The following ARSG variants were observed in gnomAD, a reference collection of about 807,000 sequenced individuals.
ARSG encodes ASG.
ARSG carries 37 observed loss-of-function variants against 50.5 expected under a neutral mutation model. That is an observed-to-expected ratio of 0.73 (90% CI 0.56 to 0.96). The LOEUF (loss-of-function observed/expected upper bound fraction) is 0.96. Ranked by LOEUF, ARSG falls within the 50% of genes least tolerant of loss-of-function variation. The pLI is 0.00. For missense variants in ARSG, 629 were observed against 675.3 expected, an observed-to-expected ratio of 0.93 and a Z score of 0.76; for synonymous variants, 225 against 254.6, an observed-to-expected ratio of 0.88 and a Z score of 1.11.
Position 68,420,766 on chromosome 17 carries a change from T to G in ARSG, c.*303T>G. 2.7e-6 allele frequency: 1 copy of G among 376,300 alleles called. No homozygotes were observed. The highest frequency in any genetic ancestry group is 4.8e-6 in the Non-Finnish European group (1 of 208,328). 23.3% of individuals were successfully genotyped at this position (376,300 alleles called of 1,614,324 possible). A position where few individuals can be genotyped will look rare whatever the true frequency, so the allele number is the denominator to read the frequency against. On this transcript the variant is annotated 3_prime_UTR_variant, in exon 12 of 12. Transcript: ENST00000621439. ...CAATTGTTTAACCTAACCTGCAAGTTGATTTTGAGGGTTAAATAAAGGCAT... is the reference window on the plus strand; with the variant it reads ...CAATTGTTTAACCTAACCTGCAAGTGGATTTTGAGGGTTAAATAAAGGCAT...
Position 68,367,517 on chromosome 17 carries a change from AGGGGC to A in ARSG, c.705-1030_705-1026del, listed in dbSNP as rs2079602703. On this transcript the variant is annotated intron_variant, in intron 6 of 11. Coordinates refer to ENST00000621439, the MANE Select transcript of ARSG (RefSeq NM_001267727.2). This position sits in a 1 kb window ranked among gnomAD's most constrained non-coding sequence, Gnocchi z 4.5. ...CCCCCCATGGATGGATCTGTGGGAG[AGGGGC>A]CCCCTGAAGGTCCCTGCCACCGTTG... is the stretch of plus-strand genomic sequence containing the variant. Among the ~76,000 whole-genome samples the A allele has an allele frequency of 6.6e-6, 1 of 152,022 alleles. No individual in the cohort carries two copies. Among genetic ancestry groups the A allele is most frequent in the Non-Finnish European group, 1.5e-5 (1 of 68,006 alleles).
downstream of ARSG, chr17:68,421,784 T>C: frequency 6.2e-7 from 1 of 1,614,172 alleles, no homozygotes. Flanking sequence ...CATGACTGCT[T>C]CGTTTTGCCC....
At chr17:68,363,928 C>T (rs892527070) in intron 6 of ARSG, among the ~76,000 whole-genome samples, 1 of 152,082 alleles carries the variant, frequency 6.6e-6, no homozygotes. Flanking sequence ...CCCATCCATC[C>T]CCAGGGAGCC....
chr17:68,309,683 AC>A, intron 2 of ARSG, among the ~76,000 whole-genome samples: 1 of 151,926 alleles, frequency 6.6e-6, no homozygotes, highest in South Asian at 2.1e-4. Context: ...ACCTGCCGAA[AC>A]CCTCTCTCTA....
chr17:68,265,355 G>A (rs1555746137), intron 1 of ARSG, among the ~76,000 whole-genome samples: 1 of 151,886 alleles, frequency 6.6e-6, no homozygotes, highest in African/African-American at 2.4e-5. Flanking sequence ...CTAGCTGGGT[G>A]TGGTGGTGCA....
chr17:68,283,977 G>A (rs2075782903), intron 1 of ARSG, among the ~76,000 whole-genome samples: 1 of 151,292 alleles, frequency 6.6e-6, no homozygotes, highest in Non-Finnish European at 1.5e-5. Flanking sequence ...TGTTATCCCA[G>A]CTACCCAGGA....
the ARSG span, among the ~76,000 whole-genome samples, chr17:68,447,668 C>T: frequency 1.3e-5 from 2 of 152,152 alleles, no homozygotes; most frequent in Non-Finnish European, 2.9e-5. Context: ...TGGGACCACA[C>T]TTGGCCCTTT....
downstream of ARSG, chr17:68,426,254 G>GGGGGGGGGT: frequency 2.4e-6 from 2 of 816,920 alleles, no homozygotes; most frequent in Admixed American, 2.3e-5. Flanking sequence ...GGGAGCGGGG[G>GGGGGGGGGT]CTCAAATAAA....
the ARSG span, among the ~76,000 whole-genome samples, chr17:68,449,416 G>A: frequency 6.6e-6 from 1 of 152,196 alleles, no homozygotes; most frequent in South Asian, 2.1e-4. Flanking sequence ...CTTGAGCCCA[G>A]GAGTTTGAGA....
downstream of ARSG, chr17:68,426,254 G>GGGGGCCCCCCCCCCCCCCCC: frequency 1.2e-6 from 1 of 816,922 alleles, no homozygotes. Context: ...GGGAGCGGGG[G>GGGGGCCCCCCCCCCCCCCCC]CTCAAATAAA....
chr17:68,299,100 CTTTTTT>C (rs201821256), intron 1 of ARSG, among the ~76,000 whole-genome samples: 1 of 105,584 alleles, frequency 9.5e-6, no homozygotes, highest in East Asian at 2.6e-4. Flanking sequence ...AAAAATTGAA[CTTTTTT>C]TTTTTTTTTT....
intron 2 of ARSG, among the ~76,000 whole-genome samples, chr17:68,319,953 C>T (rs1555769958): frequency 6.6e-6 from 1 of 152,232 alleles, no homozygotes; most frequent in African/African-American, 2.4e-5. Context: ...GGGCTTCTCA[C>T]CTTTTAGGTG....
intron 2 of ARSG, among the ~76,000 whole-genome samples, chr17:68,322,433 C>T (rs1328116619): frequency 6.6e-6 from 1 of 152,060 alleles, no homozygotes; most frequent in Non-Finnish European, 1.5e-5. Flanking sequence ...TCGAGACCAT[C>T]CTGGCCAACC....
chr17:68,441,976 G>C, the ARSG span, among the ~76,000 whole-genome samples: 1 of 152,186 alleles, frequency 6.6e-6, no homozygotes, highest in Non-Finnish European at 1.5e-5. Flanking sequence ...GACAGAGGAA[G>C]TCTCTGCTAT....
chr17:68,261,446 C>G (rs1555745153), intron 1 of ARSG, among the ~76,000 whole-genome samples: 2 of 152,136 alleles, frequency 1.3e-5, no homozygotes, highest in African/African-American at 4.8e-5. Flanking sequence ...GTGGTGTGAT[C>G]TTGGCTCACT....
intron 2 of ARSG, among the ~76,000 whole-genome samples, chr17:68,312,821 ACT>A: frequency 6.6e-6 from 1 of 151,680 alleles, no homozygotes; most frequent in East Asian, 1.9e-4. Flanking sequence ...TCAGACACGA[ACT>A]CTTATTGCCC....
intron 1 of ARSG, chr17:68,268,789 G>T: frequency 3.3e-6 from 1 of 301,792 alleles, no homozygotes; most frequent in East Asian, 7.3e-5. Context: ...TTTTAATATC[G>T]GAATGTGAAC....
At chr17:68,327,441 A>G (rs1555772855) in intron 2 of ARSG, among the ~76,000 whole-genome samples, 1 of 152,116 alleles carries the variant, frequency 6.6e-6, no homozygotes, top group African/African-American at 2.4e-5. Context: ...TTCCTCTTCC[A>G]GCTTTTGGTA....
Position 68,271,462 on chromosome 17 carries a change from G to A in ARSG, c.-552+12036G>A. 1 of 1,614,164 alleles carries A rather than the reference G, an allele frequency of 6.2e-7. No individual in the cohort carries two copies. On this transcript the variant is annotated intron_variant, in intron 1 of 11. Coordinates refer to the ARSG transcript ENST00000448504. The surrounding 1 kb of genome is among the most constrained non-coding windows in gnomAD (Gnocchi z 5.3). ...TCCTGAGTCAATGGAGTCTATTGAGGTTCGTGTTTTCTCATTTTCAAGCAT... is the reference window on the plus strand; with the variant it reads ...TCCTGAGTCAATGGAGTCTATTGAGATTCGTGTTTTCTCATTTTCAAGCAT...
Sources: allele counts gnomAD v4.1 joint callset (sites outside exome capture counted in the v4.1 genomes callset), GRCh38; gene constraint gnomAD v4.1.1; non-coding constraint Gnocchi (gnomAD v3.1); transcripts MANE v1.5; gene names NCBI Gene and HGNC (gene_info 2026-07-23, HGNC 2026-07-21).